HS3ST1: variants seen among roughly 807,000 people sequenced by gnomAD.
The protein encoded by HS3ST1 is heparan sulfate glucosamine 3-O-sulfotransferase 1.
In HS3ST1, 8 loss-of-function variants were observed where a neutral mutation model predicts 20.7. The ratio of observed to expected loss-of-function variants is 0.39; its 90% CI spans 0.23 to 0.70. HS3ST1 has a LOEUF of 0.70. HS3ST1 is among the 30% of genes least tolerant of loss of function. The probability of loss-of-function intolerance (pLI) is 0.46; values close to 1 mark genes in which losing one functional copy is unlikely to be tolerated. For synonymous variants in HS3ST1, 205 were observed against 190.4 expected (o/e 1.08, Z -0.63); for missense variants, 436 against 423.4 (o/e 1.03, Z -0.26).
chr4:11,399,760 G>A lies in HS3ST1; in HGVS notation c.246C>T (p.Ala82=), dbSNP rs769435849. 8.1e-6 allele frequency: 13 copies of A among 1,613,716 alleles called. No homozygotes were observed. The highest frequency in any genetic ancestry group is 2.7e-5 in the African/African-American group (2 of 75,068). The part of the protein sequence containing the change: ...EMLSLHPDVA[A]AENEVHFFDW... ...CGAAGAAGTGGACCTCGTTCTCCGC[G>A]GCCGCCACGTCGGGGTGCAGGCTGA... The change falls in exon 2 of 2, where the codon GCC becomes GCT. Residue 82 remains alanine (A), a synonymous_variant. Transcript: ENST00000002596. This position sits in a 1 kb window ranked among gnomAD's most constrained non-coding sequence, Gnocchi z 5.1.
At chr4:11,420,714 T>A (rs1218854789) in intron 1 of HS3ST1, among the ~76,000 whole-genome samples, 2 of 152,154 alleles carry the variant, frequency 1.3e-5, no homozygotes, top group Non-Finnish European at 2.9e-5. Flanking sequence ...CCCAGAGTTC[T>A]GTTTTGCTCT....
chr4:11,429,679 A>G (rs1324717447), upstream of HS3ST1: 3 of 55,118 alleles, frequency 5.4e-5, no homozygotes, highest in African/African-American at 1.9e-4. Context: ...TTTTTCCGCT[A>G]GTGCACTAGG....
chr4:11,398,931 A>T lies in HS3ST1; in HGVS notation c.*151T>A. On this transcript the variant is annotated 3_prime_UTR_variant, in exon 2 of 2. Coordinates refer to ENST00000002596, the MANE Select transcript of HS3ST1 (RefSeq NM_005114.4). ...ACAAGTAGAAAAATATAACTAGTAT[A>T]TATGGCAATTGTGAATCTAATACTG... 1.5e-6 allele frequency: 1 copy of T among 645,686 alleles called. No homozygotes were observed. The highest frequency in any genetic ancestry group is 2.6e-6 in the Non-Finnish European group (1 of 387,594). The allele number at this position is 645,686 out of a possible 1,614,324, so 40.0% of individuals were successfully genotyped here.
At chr4:11,421,977 T>G (rs1017617061) in intron 1 of HS3ST1, among the ~76,000 whole-genome samples, 3 of 152,206 alleles carry the variant, frequency 2.0e-5, no homozygotes, top group Non-Finnish European at 2.9e-5. Context: ...GTACGAGAGA[T>G]AAAGGAGGCA....
chr4:11,406,420 GTCA>G (rs1204893924), intron 1 of HS3ST1, among the ~76,000 whole-genome samples: 3 of 152,108 alleles, frequency 2.0e-5, no homozygotes, highest in Non-Finnish European at 4.4e-5. Context: ...TGATAGGGGT[GTCA>G]TCATAATTAA....
At chr4:11,427,857 C>G (rs564446520) in intron 1 of HS3ST1, among the ~76,000 whole-genome samples, 2 of 152,370 alleles carry the variant, frequency 1.3e-5, no homozygotes, top group Admixed American at 1.3e-4. Context: ...TGGGTCTGTC[C>G]TCCGCTTCCT....
In HS3ST1 at chr4:11,399,592, C is replaced by T. The variant is rs763572146; in HGVS notation, c.414G>A (p.Pro138=). The T allele has an allele frequency of 2.5e-6, 4 of 1,613,850 alleles. No homozygotes were observed. The highest frequency in any genetic ancestry group is 1.3e-5 in the African/African-American group (1 of 75,036). ...GCAGGATGAGCAGCAGCCGGATGGACGGGTTCATGCTGTAGACTCGCTCAG... is the reference window on the plus strand; with the variant it reads ...GCAGGATGAGCAGCAGCCGGATGGATGGGTTCATGCTGTAGACTCGCTCAG... ...KVPERVYSMN[P]SIRLLLILRD... is the part of the protein sequence containing the mutation. Residue 138 remains proline, a synonymous_variant, in exon 2 of 2, where the codon CCG becomes CCA. Coordinates refer to ENST00000002596, the MANE Select transcript of HS3ST1 (RefSeq NM_005114.4). This position sits in a 1 kb window ranked among gnomAD's most constrained non-coding sequence, Gnocchi z 5.1.
At chr4:11,411,596 AC>A (rs774487989) in intron 1 of HS3ST1, among the ~76,000 whole-genome samples, 6 of 152,204 alleles carry the variant, frequency 3.9e-5, no homozygotes, top group Non-Finnish European at 8.8e-5. Context: ...TAGATCGTGC[AC>A]ACCACACAGC....
intron 1 of HS3ST1, among the ~76,000 whole-genome samples, chr4:11,409,600 C>T (rs1157991805): frequency 1.3e-5 from 2 of 152,250 alleles, no homozygotes; most frequent in African/African-American, 2.4e-5. Context: ...CTTCTGCTGA[C>T]ACCTTGATCT....
upstream of HS3ST1, among the ~76,000 whole-genome samples, chr4:11,433,774 T>C (rs1274566974): frequency 2.0e-5 from 3 of 152,196 alleles, no homozygotes; most frequent in African/African-American, 7.2e-5. Flanking sequence ...GGTACATGGG[T>C]AGAGATTTAT....
chr4:11,426,404 TTTC>T, intron 1 of HS3ST1, among the ~76,000 whole-genome samples: 1 of 146,896 alleles, frequency 6.8e-6, no homozygotes. Context: ...AGTAAAATAA[TTTC>T]TTATTTTAAT....
At chr4:11,425,562 G>A (rs73110360) in intron 1 of HS3ST1, among the ~76,000 whole-genome samples, 343 of 152,186 alleles carry the variant, frequency 2.3e-3, no homozygotes, top group African/African-American at 7.8e-3. Context: ...AGAAGAGACT[G>A]GCCAATTAAA....
chr4:11,412,715 G>A (rs1718670407), intron 1 of HS3ST1, among the ~76,000 whole-genome samples: 1 of 152,100 alleles, frequency 6.6e-6, no homozygotes, highest in Non-Finnish European at 1.5e-5. Flanking sequence ...ATTGAACCCA[G>A]GACCTGATTG....
intron 1 of HS3ST1, among the ~76,000 whole-genome samples, chr4:11,402,571 A>G (rs1468086814): frequency 2.0e-5 from 3 of 152,152 alleles, no homozygotes; most frequent in African/African-American, 4.8e-5. Context: ...CTGTATGTGT[A>G]TGCATGCATG....
At chr4:11,429,530 C>T (rs1002259564), upstream of HS3ST1, 18 of 152,036 alleles carry the variant, frequency 1.2e-4, no homozygotes, top group African/African-American at 4.3e-4. Context: ...GGGCCAGAAT[C>T]CGCGTGAGGA....
At chr4:11,426,483 A>G (rs1719064993) in intron 1 of HS3ST1, among the ~76,000 whole-genome samples, 1 of 152,120 alleles carries the variant, frequency 6.6e-6, no homozygotes, top group Non-Finnish European at 1.5e-5. Context: ...CATTCTAGAC[A>G]TAACCACAGG....
chr4:11,408,392 G>A (rs1236463454), intron 1 of HS3ST1, among the ~76,000 whole-genome samples: 1 of 152,124 alleles, frequency 6.6e-6, no homozygotes, highest in African/African-American at 2.4e-5. Context: ...ATGATAATTA[G>A]TCAAACACAT....
chr4:11,409,723 AT>A (rs755508001), intron 1 of HS3ST1, among the ~76,000 whole-genome samples: 1 of 152,238 alleles, frequency 6.6e-6, no homozygotes, highest in Non-Finnish European at 1.5e-5. Context: ...CCTCAGAATA[AT>A]TAGTAAAGCA....
intron 1 of HS3ST1, among the ~76,000 whole-genome samples, chr4:11,411,769 ATTAC>A (rs936604013): frequency 6.6e-6 from 1 of 152,230 alleles, no homozygotes; most frequent in Non-Finnish European, 1.5e-5. Flanking sequence ...GTTATTTATT[ATTAC>A]TTAAGTAATG....
Sources: gnomAD v4.1 joint callset for allele counts (sites outside exome capture counted in the v4.1 genomes callset) on GRCh38, gnomAD v4.1.1 for gene constraint, Gnocchi (gnomAD v3.1) non-coding constraint, MANE v1.5 for transcripts, NCBI Gene and HGNC (gene_info 2026-07-23, HGNC 2026-07-21) for gene names.